Variants in SSPN observed in about 807,000 individuals in gnomAD.
SSPN encodes the protein sarcospan.
A neutral mutation model predicts 19.1 loss-of-function variants in SSPN; 15 were observed. That is an observed-to-expected ratio of 0.78 (90% CI 0.52 to 1.21). The LOEUF (loss-of-function observed/expected upper bound fraction) is 1.21, where lower values mean the gene tolerates loss of function less well. Ranked by LOEUF, SSPN falls within the 50% of genes most tolerant of loss-of-function variation. The probability of loss-of-function intolerance (pLI) is 0.00; values close to 1 mark genes in which losing one functional copy is unlikely to be tolerated. For missense variants in SSPN, 291 were observed against 314.0 expected (o/e 0.93, Z 0.55); for synonymous variants, 147 against 140.3 (o/e 1.05, Z -0.34).
chr12:26,122,054 G>A (rs1944310209), exon 1 of SSPN: 6 of 1,549,294 alleles, frequency 3.9e-6, no homozygotes, highest in Non-Finnish European at 5.2e-6. Context: ...CCGTCCTTCG[G>A]GACGCAAGGA....
chr12:26,232,934 T>TA lies in SSPN; in HGVS notation c.*1879dup, dbSNP rs34314422. 20,946 of 81,280 alleles carry TA rather than the reference T, an allele frequency of 0.26. 3,356 individuals carry two copies. The highest frequency in any genetic ancestry group is 0.54 in the East Asian group (1,329 of 2,452). 5.0% of individuals were successfully genotyped at this position (81,280 alleles called of 1,614,324 possible). On this transcript the variant is annotated 3_prime_UTR_variant, in exon 3 of 3. Transcript: ENST00000242729. Reference sequence around the variant, plus strand: ...ACCTGTAAAATACCTTGTGCCCTATTAAAAAAAAAAAAAAAAAAAAAGCCA... The same window carrying TA: ...ACCTGTAAAATACCTTGTGCCCTATTAAAAAAAAAAAAAAAAAAAAAAGCCA...
intron 1 of SSPN, among the ~76,000 whole-genome samples, chr12:26,222,524 G>A (rs989032948): frequency 1.3e-5 from 2 of 152,194 alleles, no homozygotes; most frequent in Admixed American, 6.5e-5. Context: ...ATGAATATGT[G>A]CAAACCAGTT....
intron 1 of SSPN, among the ~76,000 whole-genome samples, chr12:26,132,881 T>G (rs1565668336): frequency 1.3e-5 from 2 of 152,216 alleles, no homozygotes; most frequent in Admixed American, 1.3e-4. Context: ...CTGTAGTGTC[T>G]GTTAGGAAGC....
intron 1 of SSPN, among the ~76,000 whole-genome samples, chr12:26,217,126 C>T (rs1158721369): frequency 1.4e-3 from 174 of 122,026 alleles, no homozygotes; most frequent in East Asian, 3.7e-3. Context: ...GCATTGGTAG[C>T]TTGATGGGGA....
chr12:26,155,441 A>G (rs754636591), intron 1 of SSPN, among the ~76,000 whole-genome samples: 2 of 152,228 alleles, frequency 1.3e-5, no homozygotes, highest in Non-Finnish European at 2.9e-5. Flanking sequence ...TCAACAACAT[A>G]AAAGTGACCC....
At chr12:26,146,206 A>G (rs1034591710) in intron 1 of SSPN, among the ~76,000 whole-genome samples, 2 of 152,212 alleles carry the variant, frequency 1.3e-5, no homozygotes, top group Middle Eastern at 3.2e-3. Flanking sequence ...AGACCTATCA[A>G]GTCTCCTCCA....
At chr12:26,127,166 C>A (rs1190052326) in intron 1 of SSPN, among the ~76,000 whole-genome samples, 5 of 152,204 alleles carry the variant, frequency 3.3e-5, no homozygotes, top group Admixed American at 3.3e-4. Flanking sequence ...CTAAATTTCA[C>A]TTGAAAAGGA....
At position 26,164,612 on chromosome 12, in the gene SSPN, A is replaced by G. The variant is rs10161154; in HGVS notation, c.-31+42460A>G. 1.9e-3 allele frequency among the ~76,000 whole-genome samples: 290 copies of G among 152,328 alleles called. 1 individual carries two copies. The highest frequency in any genetic ancestry group is 6.4e-3 in the African/African-American group (268 of 41,588). Reference sequence around the variant, plus strand: ...ATTTATATTGGCTTATATTCCAGTGACATTTTTATTATTGATTTATTTACT... The same window carrying G: ...ATTTATATTGGCTTATATTCCAGTGGCATTTTTATTATTGATTTATTTACT... On this transcript the variant is annotated intron_variant, in intron 1 of 2. Coordinates refer to the SSPN transcript ENST00000538142.
intron 1 of SSPN, among the ~76,000 whole-genome samples, chr12:26,132,147 G>A (rs1333712050): frequency 6.6e-6 from 1 of 152,160 alleles, no homozygotes; most frequent in Non-Finnish European, 1.5e-5. Context: ...ATGTTTGAAT[G>A]GGAATTTTGC....
chr12:26,212,205 T>C (rs775996247), intron 1 of SSPN, among the ~76,000 whole-genome samples: 3 of 152,218 alleles, frequency 2.0e-5, no homozygotes, highest in Non-Finnish European at 2.9e-5. Flanking sequence ...TGTCTTTGCA[T>C]GCTCATATGA....
chr12:26,190,655 G>A (rs774811535), upstream of SSPN, among the ~76,000 whole-genome samples: 7 of 152,212 alleles, frequency 4.6e-5, no homozygotes, highest in Non-Finnish European at 7.3e-5. Flanking sequence ...TAGAATGGCA[G>A]TAGAGGCATT....
At chr12:26,193,037 C>T (rs1238757624), upstream of SSPN, among the ~76,000 whole-genome samples, 1 of 152,070 alleles carries the variant, frequency 6.6e-6, no homozygotes, top group Non-Finnish European at 1.5e-5. Context: ...TAAACTAGTA[C>T]TAATAGGAAT....
intron 1 of SSPN, among the ~76,000 whole-genome samples, chr12:26,172,836 ACTTT>A (rs1218372025): frequency 6.6e-6 from 1 of 150,762 alleles, no homozygotes; most frequent in Non-Finnish European, 1.5e-5. Flanking sequence ...ATTAGAATCC[ACTTT>A]CTTTACAGAT....
intron 1 of SSPN, among the ~76,000 whole-genome samples, chr12:26,222,102 T>C (rs1453716513): frequency 6.6e-6 from 1 of 152,226 alleles, no homozygotes; most frequent in African/African-American, 2.4e-5. Context: ...GCTGCCTCCC[T>C]GGGTCCTATC....
intron 1 of SSPN, chr12:26,123,847 A>T (rs1416877119): frequency 2.4e-6 from 2 of 843,498 alleles, no homozygotes; most frequent in Non-Finnish European, 4.1e-6. Context: ...ACTTTGAAAG[A>T]AGTACTGTTC....
Position 26,122,777 on chromosome 12 carries a change from G to A in SSPN, c.-31+625G>A. On this transcript the variant is annotated intron_variant, in intron 1 of 2. Transcript: ENST00000538142. Reference sequence around the variant, plus strand: ...CTTTCTCGCGGTCCGGCCGGGCCTCGGCTTCGCCGCCGTAGCCGCTGTCGG... The same window carrying A: ...CTTTCTCGCGGTCCGGCCGGGCCTCAGCTTCGCCGCCGTAGCCGCTGTCGG... The A allele has an allele frequency of 1.9e-6, 3 of 1,586,960 alleles. No homozygotes were observed. In the South Asian group the frequency reaches 3.4e-5, roughly 18 times the overall value.
chr12:26,148,404 T>G (rs1222840733), intron 1 of SSPN, among the ~76,000 whole-genome samples: 3 of 152,224 alleles, frequency 2.0e-5, no homozygotes, highest in African/African-American at 7.2e-5. Flanking sequence ...ATCTAGACAG[T>G]GAATAATCCT....
At chr12:26,196,607 C>G (rs1284482029) in intron 1 of SSPN, among the ~76,000 whole-genome samples, 13 of 152,174 alleles carry the variant, frequency 8.5e-5, no homozygotes, top group Admixed American at 8.5e-4. Context: ...CAGTACTCAG[C>G]TGTTGTGAGT....
chr12:26,183,093 ACAGGTG>A (rs1391638470), intron 1 of SSPN, among the ~76,000 whole-genome samples: 1 of 152,114 alleles, frequency 6.6e-6, no homozygotes, highest in Non-Finnish European at 1.5e-5. Flanking sequence ...AAAAGTACAT[ACAGGTG>A]CTATATGCCA....
Sources: allele counts gnomAD v4.1 joint callset (sites outside exome capture counted in the v4.1 genomes callset), GRCh38; gene constraint gnomAD v4.1.1; transcripts MANE v1.5; gene names NCBI Gene and HGNC (gene_info 2026-07-23, HGNC 2026-07-21).